Variants in TMEM74 observed in about 807,000 individuals in gnomAD.
TMEM74 encodes transmembrane protein 74.
TMEM74 carries 13 observed loss-of-function variants against 18.1 expected under a neutral mutation model. That is an observed-to-expected ratio of 0.72 (90% CI 0.47 to 1.14). The LOEUF (loss-of-function observed/expected upper bound fraction) is 1.14. Among genes scored for constraint, TMEM74 ranks in the 50% most tolerant of loss-of-function variants. The pLI is 0.00. For missense variants in TMEM74, 372 were observed against 375.9 expected (o/e 0.99, Z 0.09); for synonymous variants, 159 against 146.6 (o/e 1.08, Z -0.61).
At chr8:108,769,375 C>G (rs949854573) in intron 1 of TMEM74, among the ~76,000 whole-genome samples, 2 of 151,974 alleles carry the variant, frequency 1.3e-5, no homozygotes, top group Admixed American at 1.3e-4. Context: ...GTCCTTCAAC[C>G]ATCTTTGCAA....
At chr8:108,650,296 C>A (rs1421260082) in intron 2 of TMEM74, among the ~76,000 whole-genome samples, 1 of 152,118 alleles carries the variant, frequency 6.6e-6, no homozygotes, top group African/African-American at 2.4e-5. Context: ...ATTTCAATAA[C>A]CTCCTAATTT....
At chr8:108,658,063 G>A (rs1231482168) in intron 1 of TMEM74, among the ~76,000 whole-genome samples, 1 of 150,978 alleles carries the variant, frequency 6.6e-6, no homozygotes, top group African/African-American at 2.4e-5. Context: ...CCAAATCATC[G>A]CAGAGAACAA....
chr8:108,670,822 A>G (rs1812998274), intron 1 of TMEM74, among the ~76,000 whole-genome samples: 1 of 152,194 alleles, frequency 6.6e-6, no homozygotes, highest in African/African-American at 2.4e-5. Context: ...AACCACAAAA[A>G]GAAAAAAGAA....
intron 2 of TMEM74, among the ~76,000 whole-genome samples, chr8:108,634,158 G>A (rs1812582842): frequency 6.6e-6 from 1 of 151,780 alleles, no homozygotes; most frequent in African/African-American, 2.4e-5. Flanking sequence ...TGTTTTTATG[G>A]CCATATGACT....
At chr8:108,726,047 A>G (rs1001637871) in intron 1 of TMEM74, among the ~76,000 whole-genome samples, 3 of 152,206 alleles carry the variant, frequency 2.0e-5, no homozygotes, top group African/African-American at 7.2e-5. Flanking sequence ...ACAATATACT[A>G]TCAGATTTAT....
At chr8:108,684,856 G>C (rs988126841) in intron 1 of TMEM74, among the ~76,000 whole-genome samples, 1 of 151,602 alleles carries the variant, frequency 6.6e-6, no homozygotes, top group East Asian at 1.9e-4. Context: ...TATATTTTAC[G>C]ATCTAGGTGT....
intron 3 of TMEM74, among the ~76,000 whole-genome samples, chr8:108,608,306 AAAAAAAAAG>A (rs1242245599): frequency 3.4e-5 from 5 of 147,576 alleles, no homozygotes; most frequent in Admixed American, 6.8e-5. Flanking sequence ...GTCAAAAAAA[AAAAAAAAAG>A]AAAAAAAGAA....
In TMEM74 at chr8:108,787,509, C is replaced by T. The variant is rs764254790; in HGVS notation, c.-73G>A. On this transcript the variant is annotated 5_prime_UTR_variant, in exon 1 of 2. In the 5' UTR this introduces an upstream ATG that the reference lacks. Transcript: ENST00000297459. Reference sequence around the variant, plus strand: ...TCGGCCACCCGGTGCGGCTCCAGCACCGCGCGCTCTCCCGGCACGGTTCCC... The same window carrying T: ...TCGGCCACCCGGTGCGGCTCCAGCATCGCGCGCTCTCCCGGCACGGTTCCC... 1.3e-5 allele frequency: 2 copies of T among 152,664 alleles called. No homozygotes were observed. The highest frequency in any genetic ancestry group is 2.9e-5 in the Non-Finnish European group (2 of 68,448). 9.5% of individuals were successfully genotyped at this position (152,664 alleles called of 1,614,324 possible).
rs563231357 is a variant in TMEM74, at chr8:108,617,557, G to A, written n.265-8731C>T. Among the ~76,000 whole-genome samples the A allele has an allele frequency of 7.9e-5, 12 of 152,130 alleles. No homozygotes were observed. The South Asian group carries it at 2.1e-3, about 26-fold the overall frequency. On this transcript the variant is annotated intron_variant and non_coding_transcript_variant, in intron 2 of 3. Coordinates refer to the TMEM74 transcript ENST00000518838. ...AAACCTCATTTGGTTGGCTTTTGAA[G>A]GCTTCTTGGTTTTATAGGGAGTCAT... is the stretch of plus-strand genomic sequence containing the variant.
At chr8:108,736,133 A>T (rs1186185874) in intron 1 of TMEM74, among the ~76,000 whole-genome samples, 3 of 152,000 alleles carry the variant, frequency 2.0e-5, no homozygotes, top group African/African-American at 4.8e-5. Flanking sequence ...GTTTGTCTCT[A>T]AAAAAACTGC....
chr8:108,764,720 G>A (rs1814083251), intron 1 of TMEM74, among the ~76,000 whole-genome samples: 2 of 152,146 alleles, frequency 1.3e-5, no homozygotes, highest in Non-Finnish European at 2.9e-5. Context: ...ATATGAGCTT[G>A]AACTGCTATT....
intron 1 of TMEM74, among the ~76,000 whole-genome samples, chr8:108,699,990 C>G (rs1813319530): frequency 1.3e-5 from 2 of 151,818 alleles, no homozygotes; most frequent in African/African-American, 2.4e-5. Flanking sequence ...GAAAGCAAGA[C>G]CATTTACTCT....
chr8:108,676,405 T>C (rs939116633), intron 1 of TMEM74, among the ~76,000 whole-genome samples: 1 of 152,188 alleles, frequency 6.6e-6, no homozygotes, highest in African/African-American at 2.4e-5. Flanking sequence ...GCCTCCTTTC[T>C]GGGCCTCAAA....
chr8:108,622,960 A>C (rs923863694), intron 2 of TMEM74, among the ~76,000 whole-genome samples: 1 of 152,074 alleles, frequency 6.6e-6, no homozygotes, highest in African/African-American at 2.4e-5. Flanking sequence ...TGTACATTCA[A>C]ATTGCTTAAA....
intron 1 of TMEM74, among the ~76,000 whole-genome samples, chr8:108,712,390 T>C (rs1813483200): frequency 1.3e-5 from 2 of 152,194 alleles, no homozygotes. Context: ...AAAATGTCAG[T>C]TGATTCATGT....
intron 1 of TMEM74, among the ~76,000 whole-genome samples, chr8:108,706,783 G>GTGTGTGTGTGTGTA (rs1261019898): frequency 5.3e-5 from 8 of 149,978 alleles, no homozygotes; most frequent in African/African-American, 1.7e-4. Flanking sequence ...AGGGGTGTGT[G>GTGTGTGTGTGTGTA]TGTGTGTGTG....
At chr8:108,618,044 C>T (rs1002969580) in intron 2 of TMEM74, among the ~76,000 whole-genome samples, 10 of 152,148 alleles carry the variant, frequency 6.6e-5, no homozygotes, top group Admixed American at 2.6e-4. Flanking sequence ...CATCCCACAA[C>T]AAGCTTTTGT....
intron 1 of TMEM74, among the ~76,000 whole-genome samples, chr8:108,767,422 C>T (rs190372492): frequency 6.6e-5 from 10 of 152,266 alleles, no homozygotes; most frequent in East Asian, 3.9e-4. Flanking sequence ...AAAGTATCTT[C>T]CCTTTGGACT....
At chr8:108,665,724 A>G (rs540178126) in intron 1 of TMEM74, among the ~76,000 whole-genome samples, 18 of 152,238 alleles carry the variant, frequency 1.2e-4, no homozygotes, top group South Asian at 8.3e-4. Flanking sequence ...TGCAGAGTCT[A>G]AGGAACAGCA....
Sources: gnomAD v4.1 joint callset for allele counts (sites outside exome capture counted in the v4.1 genomes callset) on GRCh38, gnomAD v4.1.1 for gene constraint, MANE v1.5 for transcripts, NCBI Gene and HGNC (gene_info 2026-07-23, HGNC 2026-07-21) for gene names.